C11orf58: variants seen among roughly 807,000 people sequenced by gnomAD.
C11orf58 encodes chromosome 11 open reading frame 58.
C11orf58 carries 5 observed loss-of-function variants against 22.7 expected under a neutral mutation model. The ratio of observed to expected loss-of-function variants is 0.22; its 90% CI spans 0.12 to 0.46. The LOEUF (loss-of-function observed/expected upper bound fraction) is 0.46. C11orf58 is among the 20% of genes least tolerant of loss of function. The probability of loss-of-function intolerance (pLI) is 0.99; values close to 1 mark genes in which losing one functional copy is unlikely to be tolerated. For synonymous variants in C11orf58, 71 were observed against 70.7 expected (o/e 1.00, Z -0.02); for missense variants, 151 against 223.3 (o/e 0.68, Z 2.06).
At chr11:16,744,308 G>A (rs1848472162) in intron 1 of C11orf58, 1 of 305,220 alleles carries the variant, frequency 3.3e-6, no homozygotes, top group African/African-American at 2.2e-5. Flanking sequence ...CTGAATCTCT[G>A]GGGCTGTAGC....
chr11:16,749,869 C>G (rs1848518259), intron 3 of C11orf58: 2 of 152,242 alleles, frequency 1.3e-5, no homozygotes, highest in African/African-American at 4.8e-5. Flanking sequence ...AAGTAACAAG[C>G]TGCATCTAGT....
intron 3 of C11orf58, 119 bp from the exon 4 acceptor site, chr11:16,752,666 A>G (rs111717240): frequency 1.6e-4 from 89 of 551,362 alleles, no homozygotes; most frequent in Middle Eastern, 8.3e-4. Context: ...CTCAAAAGTC[A>G]TAGTAAAATT....
intron 2 of C11orf58, chr11:16,747,808 A>G (rs943616682): frequency 4.1e-5 from 8 of 194,586 alleles, no homozygotes; most frequent in South Asian, 4.0e-4. Context: ...CTAGTTATCT[A>G]TTCATCTTAT....
chr11:16,740,868 C>G (rs180956651), intron 1 of C11orf58, among the ~76,000 whole-genome samples: 1 of 150,494 alleles, frequency 6.6e-6, no homozygotes. Flanking sequence ...CCAAGGCAGG[C>G]GGATCACGAG....
Position 16,752,879 on chromosome 11 carries a change from A to C in C11orf58, c.303A>C (p.Gly101=), listed in dbSNP as rs1848544664. ...KLSGRYRRHC[G]LGFSEVEDHD... is the part of the protein sequence containing the mutation. Reference sequence around the variant, plus strand: ...CAGGAAGATATCGGCGACATTGTGGACTTGGCTTCAGTGAGGTAGTAATTA... The same window carrying C: ...CAGGAAGATATCGGCGACATTGTGGCCTTGGCTTCAGTGAGGTAGTAATTA... Residue 101 remains glycine, a synonymous_variant, in exon 4 of 5, where the codon GGA becomes GGC. Transcript: ENST00000228136. 2 of 1,609,556 alleles carry C rather than the reference A, an allele frequency of 1.2e-6. No individual in the cohort carries two copies. The highest frequency in any genetic ancestry group is 1.3e-5 in the African/African-American group (1 of 74,824).
intron 1 of C11orf58, among the ~76,000 whole-genome samples, chr11:16,742,365 CTCTT>C (rs1339810739): frequency 6.6e-6 from 1 of 152,182 alleles, no homozygotes; most frequent in African/African-American, 2.4e-5. Context: ...AAAAAGGCAT[CTCTT>C]TATAGATAAG....
Position 16,756,263 on chromosome 11 carries a change from A to ATTTTTTTTTTTTTTTTTTTTTT in C11orf58, c.*1162_*1183dup, listed in dbSNP as rs779195786. 2 of 95,670 alleles carry ATTTTTTTTTTTTTTTTTTTTTT rather than the reference A, an allele frequency of 2.1e-5. No homozygotes were observed. The highest frequency in any genetic ancestry group is 2.0e-5 in the Non-Finnish European group (1 of 49,082). The allele number at this position is 95,670 out of a possible 1,614,324, so 5.9% of individuals were successfully genotyped here. On this transcript the variant is annotated 3_prime_UTR_variant, in exon 5 of 5. Transcript: ENST00000228136. ...TTAAAGGATGTATTTGGAGTGTTGG[A>ATTTTTTTTTTTTTTTTTTTTTT]TTTTTTTTTTTTTTTTTTTTTTTTG...
intron 1 of C11orf58, among the ~76,000 whole-genome samples, chr11:16,740,306 A>G (rs1251862533): frequency 6.6e-6 from 1 of 152,244 alleles, no homozygotes. Flanking sequence ...GGATTAAGTC[A>G]TTAAGTTTAC....
At position 16,738,776 on chromosome 11, in the gene C11orf58, A is replaced by G. The variant is rs76805229; in HGVS notation, c.-3A>G. The G allele has an allele frequency of 2.4e-4, 394 of 1,613,900 alleles. 2 individuals are homozygous for G. In the East Asian group the frequency reaches 7.8e-3, roughly 32 times the overall value. The stretch of plus-strand genomic sequence containing the variant: ...GGCATTTTTCGTCGGGATCCCCGCA[A>G]GGATGAGTGCTGCCAGAGAGTCTCA... On this transcript the variant is annotated 5_prime_UTR_variant, in exon 1 of 5. Coordinates refer to ENST00000228136, the MANE Select transcript of C11orf58 (RefSeq NM_014267.6).
intron 1 of C11orf58, chr11:16,739,741 A>G (rs1027864191): frequency 6.6e-6 from 1 of 152,130 alleles, no homozygotes; most frequent in Non-Finnish European, 1.5e-5. Flanking sequence ...TGTTGGAGAG[A>G]GCGCGGAGAG....
At chr11:16,754,838 A>G in intron 4 of C11orf58, 33 bp from the exon 5 acceptor site, 1 of 1,606,778 alleles carries the variant, frequency 6.2e-7, no homozygotes, top group Non-Finnish European at 8.5e-7. Flanking sequence ...GCTAATGTTT[A>G]TTTTTAAAAG....
chr11:16,754,703 G>A (rs1178225760), intron 4 of C11orf58, among the ~76,000 whole-genome samples, 168 bp from the exon 5 acceptor site: 1 of 150,934 alleles, frequency 6.6e-6, no homozygotes, highest in African/African-American at 2.4e-5. Flanking sequence ...TGAGCCACTG[G>A]GCCCAGCCAG....
chr11:16,743,807 A>G (rs979507478), intron 1 of C11orf58, among the ~76,000 whole-genome samples: 2 of 151,892 alleles, frequency 1.3e-5, no homozygotes, highest in Middle Eastern at 3.2e-3. Context: ...ATGAACTATT[A>G]AAAACTATTA....
In C11orf58 at chr11:16,752,785, G is replaced by A. The variant is rs765147329; in HGVS notation, c.209G>A (p.Gly70Glu). The change falls in exon 4 of 5, where the codon GGG becomes GAG. Residue 70 changes from glycine (G) to glutamate (E), a missense_variant and splice_region_variant. Gly to Glu is a moderately conservative substitution (Grantham distance 98). This residue lies in a region of C11orf58 where 112 missense variants were observed against 162.6 expected (regional missense o/e 0.69). Coordinates refer to ENST00000228136, the MANE Select transcript of C11orf58 (RefSeq NM_014267.6). The part of the protein sequence containing the change: ...DHKSTSHFRT[G>E]EEDKKINEEL... ...TAACTAAAGTATCCTGGACATGCAG[G>A]GGAAGAAGACAAGAAAATTAATGAA... The A allele has an allele frequency of 7.5e-6, 12 of 1,599,432 alleles. No homozygotes were observed. The highest frequency in any genetic ancestry group is 9.4e-6 in the Non-Finnish European group (11 of 1,170,284).
chr11:16,744,476 A>G (rs1376470221), intron 1 of C11orf58, 125 bp from the exon 2 acceptor site: 1 of 699,574 alleles, frequency 1.4e-6, no homozygotes, highest in Non-Finnish European at 2.4e-6. Flanking sequence ...CTAAGCAAGA[A>G]AAATGAACGC....
At chr11:16,739,951 G>A (rs1007746515) in intron 1 of C11orf58, among the ~76,000 whole-genome samples, 9 of 152,202 alleles carry the variant, frequency 5.9e-5, no homozygotes, top group Non-Finnish European at 1.2e-4. Flanking sequence ...GGGAGGTGGG[G>A]CGAGGACCGG....
intron 1 of C11orf58, among the ~76,000 whole-genome samples, chr11:16,743,506 A>G (rs1564883186): frequency 6.6e-6 from 1 of 152,166 alleles, no homozygotes; most frequent in Non-Finnish European, 1.5e-5. Flanking sequence ...TAATTTTATC[A>G]TGATTAGTCT....
chr11:16,744,035 A>G (rs1018148490), intron 1 of C11orf58, among the ~76,000 whole-genome samples: 2 of 151,498 alleles, frequency 1.3e-5, no homozygotes, highest in African/African-American at 4.9e-5. Context: ...AATCCTAACA[A>G]GTAACTAGAA....
At chr11:16,751,298 T>G (rs942026651) in intron 3 of C11orf58, 2 of 152,108 alleles carry the variant, frequency 1.3e-5, no homozygotes, top group Non-Finnish European at 2.9e-5. Flanking sequence ...GCCAGGAGTT[T>G]GAGACCAGTC....
Sources: gnomAD v4.1 joint callset for allele counts (sites outside exome capture counted in the v4.1 genomes callset) on GRCh38, gnomAD v4.1.1 for gene constraint, gnomAD v4.1.1 regional missense constraint, MANE v1.5 for transcripts, NCBI Gene and HGNC (gene_info 2026-07-23, HGNC 2026-07-21) for gene names.